Variants in GLIS2 observed in about 807,000 individuals in gnomAD.
GLIS2 encodes zinc finger protein GLIS2.
Under a neutral mutation model 35.6 loss-of-function variants are expected in GLIS2, and 14 were observed. The ratio of observed to expected loss-of-function variants is 0.39; its 90% CI spans 0.26 to 0.61. The LOEUF is 0.61. Ranked by LOEUF, GLIS2 falls within the 20% of genes least tolerant of loss-of-function variation. The pLI is 0.48. For missense variants in GLIS2, 675 were observed against 713.4 expected (o/e 0.95, Z 0.61); for synonymous variants, 368 against 325.1 (o/e 1.13, Z -1.42).
At position 4,327,499 on chromosome 16, in the gene GLIS2, G is replaced by C. The variant is rs370691524; in HGVS notation, c.-66-4716G>C. Among the ~76,000 whole-genome samples the C allele has an allele frequency of 2.4e-4, 36 of 152,338 alleles. 1 individual carries two copies. In the East Asian group the frequency reaches 6.4e-3, roughly 27 times the overall value. On this transcript the variant is annotated intron_variant, in intron 1 of 6. Coordinates refer to ENST00000433375, the MANE Select transcript of GLIS2 (RefSeq NM_032575.3). ...CGTGCCTTCCAGTAGGGAGGGTGGG[G>C]ACAGTGGCCGGCCCCGCCTGCCAGG...
In GLIS2 at chr16:4,337,489, G is replaced by A; in HGVS notation, c.1540G>A (p.Gly514Ser). The stretch of plus-strand genomic sequence containing the variant: ...CCCTGGCTGGGTGGTCATCCCGCCG[G>A]GCTCGGTGCTGCTCAAACCGGCTGT... Reference protein sequence around the residue: ...LAPGWVVIPPGSVLLKPAVVN With the variant: ...LAPGWVVIPPSSVLLKPAVVN The change falls in exon 7 of 7, where the codon GGC (glycine) becomes AGC (serine). Residue 514 changes from glycine (G) to serine (S), a missense_variant. Gly to Ser is a moderately conservative substitution (Grantham distance 56). Around this residue, in one of 3 missense-constraint regions of GLIS2, gnomAD observed 317 missense variants for 283.2 expected, o/e 1.12. Coordinates refer to ENST00000433375, the MANE Select transcript of GLIS2 (RefSeq NM_032575.3). 1 of 1,568,550 alleles carries A rather than the reference G, an allele frequency of 6.4e-7. No individual in the cohort carries two copies. Among genetic ancestry groups the A allele is most frequent in the South Asian group, 1.2e-5 (1 of 86,448 alleles).
chr16:4,317,448 ACT>A (rs1365477841), intron 1 of GLIS2, among the ~76,000 whole-genome samples: 2 of 152,062 alleles, frequency 1.3e-5, no homozygotes, highest in Non-Finnish European at 2.9e-5. Context: ...GCCCAGAGAC[ACT>A]GCGCTTCGGA....
rs375873369 is a variant in GLIS2 at position 4,335,403 on chromosome 16, C to T, written c.775+10C>T. 27 of 1,612,670 alleles carry T rather than the reference C, an allele frequency of 1.7e-5. No individual in the cohort carries two copies. The highest frequency in any genetic ancestry group is 2.7e-5 in the African/African-American group (2 of 74,914). On this transcript the variant is annotated intron_variant, in intron 6 of 6. Transcript: ENST00000433375. This position sits in a 1 kb window ranked among gnomAD's most constrained non-coding sequence, Gnocchi z 4.6. ...AACCGGTCGCACACAGGTAAGAGGCCGGGGCCGGGCGGCTTGGCCCATGAA... is the reference window on the plus strand; with the variant it reads ...AACCGGTCGCACACAGGTAAGAGGCTGGGGCCGGGCGGCTTGGCCCATGAA...
chr16:4,330,592 G>A (rs1036157384), intron 1 of GLIS2, among the ~76,000 whole-genome samples: 1 of 152,226 alleles, frequency 6.6e-6, no homozygotes, highest in African/African-American at 2.4e-5. Context: ...TGCCTGGTGC[G>A]AGTTCCTTGG....
rs990748000 is a variant in GLIS2, at chr16:4,337,226, T to C, written c.1277T>C (p.Leu426Pro). Reference sequence around the variant, plus strand: ...CCCTCGCCCTTTGGGGCTGGCGGACTGGGCTTGCCTGTGGTCTCCCTCCTT... The same window carrying C: ...CCCTCGCCCTTTGGGGCTGGCGGACCGGGCTTGCCTGTGGTCTCCCTCCTT... Reference protein sequence around the residue: ...LLPSPFGAGGLGLPVVSLLAG... With the variant: ...LLPSPFGAGGPGLPVVSLLAG... The change falls in exon 7 of 7, where the codon CTG (leucine) becomes CCG (proline). Residue 426 changes from leucine to proline, a missense_variant. Physicochemically the swap from Leu to Pro is moderately conservative, Grantham distance 98. Around this residue, in one of 3 missense-constraint regions of GLIS2, gnomAD observed 317 missense variants for 283.2 expected, o/e 1.12. Coordinates refer to ENST00000433375, the MANE Select transcript of GLIS2 (RefSeq NM_032575.3). 1.9e-6 allele frequency: 3 copies of C among 1,547,490 alleles called. No homozygotes were observed. The highest frequency in any genetic ancestry group is 2.4e-5 in the East Asian group (1 of 40,912).
Position 4,337,388 on chromosome 16 carries a change from T to A in GLIS2, c.1439T>A (p.Leu480His), listed in dbSNP as rs1325862092. 1 of 1,592,916 alleles carries A rather than the reference T, an allele frequency of 6.3e-7. No homozygotes were observed. Among genetic ancestry groups the A allele is most frequent in the Admixed American group, 1.7e-5 (1 of 58,332 alleles). The change falls in exon 7 of 7, where the codon CTC becomes CAC. Residue 480 changes from leucine (L) to histidine (H), a missense_variant. Leu to His is a moderately conservative substitution (Grantham distance 99, BLOSUM62 -3). Transcript: ENST00000433375. ...TGCTCCCGGCCAAGCCCCGATGGACTCCCCCTGCTGCCAGGCACCGTGCTG... is the reference window on the plus strand; with the variant it reads ...TGCTCCCGGCCAAGCCCCGATGGACACCCCCTGCTGCCAGGCACCGTGCTG... ...SSCSRPSPDG[L>H]PLLPGTVLDL... is the part of the protein sequence containing the mutation.
chr16:4,332,547 C>T lies in GLIS2; in HGVS notation c.172+95C>T, dbSNP rs1227607253. On this transcript the variant is annotated intron_variant, in intron 2 of 6. Coordinates refer to ENST00000433375, the MANE Select transcript of GLIS2 (RefSeq NM_032575.3). The surrounding 1 kb of genome is among the most constrained non-coding windows in gnomAD (Gnocchi z 5.4). ...TGTGTCCACCAGCATGTAGCTGCAG[C>T]CCCTCTCGGCTTCCGGTTCATGGGA... The T allele has an allele frequency of 1.4e-6, 2 of 1,412,548 alleles. No homozygotes were observed. Among genetic ancestry groups the T allele is most frequent in the East Asian group, 2.4e-5 (1 of 40,832 alleles). 87.5% of individuals were successfully genotyped at this position (1,412,548 alleles called of 1,614,324 possible).
At chr16:4,319,863 G>T (rs543706568) in intron 1 of GLIS2, among the ~76,000 whole-genome samples, 1 of 152,262 alleles carries the variant, frequency 6.6e-6, no homozygotes, top group East Asian at 1.9e-4. Context: ...CCGGGTACTC[G>T]CCTTCCACTC....
At chr16:4,324,061 A>G (rs1000667240) in intron 1 of GLIS2, among the ~76,000 whole-genome samples, 1 of 152,172 alleles carries the variant, frequency 6.6e-6, no homozygotes, top group Admixed American at 6.5e-5. Context: ...TGCTTTCCCG[A>G]GGACCCCACG....
Position 4,337,138 on chromosome 16 carries a change from G to C in GLIS2, c.1189G>C (p.Gly397Arg). 6.5e-7 allele frequency: 1 copy of C among 1,537,114 alleles called. No individual in the cohort carries two copies. The highest frequency in any genetic ancestry group is 8.7e-7 in the Non-Finnish European group (1 of 1,146,652). ...CGGTGGGGGCAGTGGGGGTGGGGGG[G>C]GCATGGGCCCTGGGCTGCCAGGCCC... ...GNGGGSGGGG[G>R]MGPGLPGPVL... The change falls in exon 7 of 7, where the codon GGC becomes CGC. Residue 397 changes from glycine to arginine, a missense_variant. Gly to Arg is a moderately radical substitution (Grantham distance 125, BLOSUM62 -2). This residue lies in a region of GLIS2 where 317 missense variants were observed against 283.2 expected (regional missense o/e 1.12). Coordinates refer to ENST00000433375, the MANE Select transcript of GLIS2 (RefSeq NM_032575.3).
At chr16:4,317,611 CCTT>C (rs2053328374) in intron 1 of GLIS2, among the ~76,000 whole-genome samples, 2 of 152,092 alleles carry the variant, frequency 1.3e-5, no homozygotes, top group African/African-American at 4.8e-5. Flanking sequence ...CTCTGCTTCT[CCTT>C]CTCCCCAGAG....
intron 1 of GLIS2, chr16:4,326,296 A>T (rs1430599100): frequency 2.6e-5 from 4 of 152,258 alleles, no homozygotes; most frequent in Non-Finnish European, 5.9e-5. Context: ...CTTCTGAGAG[A>T]TGCATCTTGA....
At chr16:4,322,997 T>C (rs2053394250) in intron 1 of GLIS2, among the ~76,000 whole-genome samples, 1 of 152,224 alleles carries the variant, frequency 6.6e-6, no homozygotes, top group East Asian at 1.9e-4. Context: ...TCCTGAGTCC[T>C]GGCCCCGACA....
In GLIS2 at chr16:4,332,581, C is replaced by T. The variant is rs762037045; in HGVS notation, c.172+129C>T. 3.7e-5 allele frequency: 40 copies of T among 1,084,586 alleles called. No homozygotes were observed. Among genetic ancestry groups the T allele is most frequent in the African/African-American group, 7.7e-5 (5 of 64,646 alleles). 67.2% of individuals were successfully genotyped at this position (1,084,586 alleles called of 1,614,324 possible). A position where few individuals can be genotyped will look rare whatever the true frequency, so the allele number is the denominator to read the frequency against. The stretch of plus-strand genomic sequence containing the variant: ...GCTTCCGGTTCATGGGAAGCCCGCA[C>T]GCTTGTCCTTCCATCCGCCCAGCAT... On this transcript the variant is annotated intron_variant, in intron 2 of 6. Coordinates refer to ENST00000433375, the MANE Select transcript of GLIS2 (RefSeq NM_032575.3). This position sits in a 1 kb window ranked among gnomAD's most constrained non-coding sequence, Gnocchi z 5.4.
chr16:4,337,325 A>G lies in GLIS2; in HGVS notation c.1376A>G (p.Glu459Gly). The G allele has an allele frequency of 6.3e-7, 1 of 1,578,422 alleles. No individual in the cohort carries two copies. The highest frequency in any genetic ancestry group is 2.3e-5 in the East Asian group (1 of 42,866). ...GSVPTRALGM[E>G]GHKTPLERTE... The stretch of plus-strand genomic sequence containing the variant: ...GTGCCCACCAGGGCCCTGGGCATGG[A>G]GGGCCACAAGACGCCCCTTGAAAGG... Residue 459 changes from glutamate to glycine, a missense_variant, in exon 7 of 7, where the codon GAG (glutamate) becomes GGG (glycine). Glu to Gly is a moderately conservative substitution (Grantham distance 98). Coordinates refer to ENST00000433375, the MANE Select transcript of GLIS2 (RefSeq NM_032575.3).
chr16:4,327,854 G>A (rs1452795209), intron 1 of GLIS2, among the ~76,000 whole-genome samples: 5 of 151,814 alleles, frequency 3.3e-5, no homozygotes, highest in Non-Finnish European at 7.4e-5. Context: ...TGGAGGAGCC[G>A]CGCAGCGGCC....
At chr16:4,331,258 G>T (rs778415572) in intron 1 of GLIS2, among the ~76,000 whole-genome samples, 6 of 152,178 alleles carry the variant, frequency 3.9e-5, no homozygotes, top group African/African-American at 1.4e-4. Context: ...GGGATTACAG[G>T]TGTGAGTTAC....
At chr16:4,321,435 G>A (rs1026517422) in intron 1 of GLIS2, among the ~76,000 whole-genome samples, 12 of 152,212 alleles carry the variant, frequency 7.9e-5, no homozygotes, top group African/African-American at 2.7e-4. Flanking sequence ...AATGTCTGTC[G>A]AGTGAATGAA....
At chr16:4,318,850 C>T (rs1393370709) in intron 1 of GLIS2, among the ~76,000 whole-genome samples, 1 of 152,248 alleles carries the variant, frequency 6.6e-6, no homozygotes, top group Non-Finnish European at 1.5e-5. Flanking sequence ...GCTCCACTCG[C>T]CTGGAATCTG....
Sources: allele counts gnomAD v4.1 joint callset (sites outside exome capture counted in the v4.1 genomes callset), GRCh38; gene constraint gnomAD v4.1.1; regional missense constraint gnomAD v4.1.1; non-coding constraint Gnocchi (gnomAD v3.1); transcripts MANE v1.5; gene names NCBI Gene and HGNC (gene_info 2026-07-23, HGNC 2026-07-21).